CCSER1: variants seen among roughly 807,000 people sequenced by gnomAD.
CCSER1 encodes the protein coiled-coil serine rich protein 1, also known as serine-rich coiled-coil domain-containing protein 1.
CCSER1 carries 41 observed loss-of-function variants against 82.0 expected under a neutral mutation model. The ratio of observed to expected loss-of-function variants is 0.50; its 90% CI spans 0.39 to 0.65. The LOEUF is 0.65. Among genes scored for constraint, CCSER1 ranks in the 30% least tolerant of loss-of-function variants. The probability of loss-of-function intolerance (pLI) is 0.00; values close to 1 mark genes in which losing one functional copy is unlikely to be tolerated. For synonymous variants in CCSER1, 414 were observed against 383.9 expected, an observed-to-expected ratio of 1.08 and a Z score of -0.92; for missense variants, 1,119 against 1,064.2, an observed-to-expected ratio of 1.05 and a Z score of -0.72.
chr4:91,355,283 A>G (rs1035354681), intron 10 of CCSER1, among the ~76,000 whole-genome samples: 4 of 152,048 alleles, frequency 2.6e-5, no homozygotes, highest in Admixed American at 2.6e-4. Context: ...ATAGCAGCAC[A>G]AGTGTCAAAT....
chr4:90,887,761 A>G (rs932957570), intron 8 of CCSER1, among the ~76,000 whole-genome samples: 10 of 152,130 alleles, frequency 6.6e-5, no homozygotes, highest in African/African-American at 2.4e-4. Context: ...GCGCACCTGT[A>G]GTCTCTGCTA....
intron 4 of CCSER1, among the ~76,000 whole-genome samples, chr4:90,466,382 G>C (rs1763650855): frequency 6.6e-6 from 1 of 152,232 alleles, no homozygotes; most frequent in African/African-American, 2.4e-5. Context: ...GCTCAGAGTG[G>C]TCCCTCGTCA....
At chr4:91,214,206 C>T (rs1242102435) in intron 10 of CCSER1, among the ~76,000 whole-genome samples, 2 of 152,226 alleles carry the variant, frequency 1.3e-5, no homozygotes, top group African/African-American at 2.4e-5. Flanking sequence ...TTCTATCTGC[C>T]TAACCAATGT....
chr4:91,078,586 G>A (rs1167952992), intron 9 of CCSER1, among the ~76,000 whole-genome samples: 1 of 152,240 alleles, frequency 6.6e-6, no homozygotes, highest in Non-Finnish European at 1.5e-5. Context: ...TGACTTTGAT[G>A]AGTCGAGAGA....
At chr4:90,302,771 C>T (rs953628118) in intron 1 of CCSER1, among the ~76,000 whole-genome samples, 1 of 152,010 alleles carries the variant, frequency 6.6e-6, no homozygotes, top group African/African-American at 2.4e-5. Flanking sequence ...ACACTGCATT[C>T]TAGCCTGGGT....
intron 10 of CCSER1, among the ~76,000 whole-genome samples, chr4:91,114,970 G>A (rs568511636): frequency 2.6e-5 from 4 of 152,198 alleles, no homozygotes; most frequent in East Asian, 3.9e-4. Context: ...TATACATGCC[G>A]TGAGTTTTTA....
intron 10 of CCSER1, among the ~76,000 whole-genome samples, chr4:91,232,472 G>C (rs990509953): frequency 3.3e-5 from 5 of 151,738 alleles, no homozygotes; most frequent in African/African-American, 9.7e-5. Flanking sequence ...ATACAGCATA[G>C]TGTATATAAT....
chr4:90,477,202 T>G (rs1028959247), intron 5 of CCSER1, among the ~76,000 whole-genome samples: 1 of 152,238 alleles, frequency 6.6e-6, no homozygotes, highest in Middle Eastern at 3.2e-3. Flanking sequence ...AAATGCTATA[T>G]AATCCAATAT....
intron 5 of CCSER1, among the ~76,000 whole-genome samples, chr4:90,609,022 C>T (rs769933826): frequency 6.6e-6 from 1 of 152,062 alleles, no homozygotes. Context: ...AAATGCAGTT[C>T]TTGCATCAAA....
At chr4:91,545,339 A>G (rs896201015) in intron 10 of CCSER1, among the ~76,000 whole-genome samples, 4 of 152,030 alleles carry the variant, frequency 2.6e-5, no homozygotes, top group African/African-American at 9.7e-5. Flanking sequence ...ACTGTCCGAC[A>G]AGCCCCAGTG....
chr4:90,480,849 G>T (rs149446292), intron 5 of CCSER1, among the ~76,000 whole-genome samples: 5 of 151,656 alleles, frequency 3.3e-5, no homozygotes, highest in African/African-American at 4.9e-5. Flanking sequence ...TAGGATTGAC[G>T]TGGCAATGCG....
At chr4:91,301,112 A>G (rs1744633139) in intron 10 of CCSER1, among the ~76,000 whole-genome samples, 1 of 151,884 alleles carries the variant, frequency 6.6e-6, no homozygotes, top group African/African-American at 2.4e-5. Flanking sequence ...CAATTTACAG[A>G]TGGGTATTGA....
chr4:90,203,932 C>G (rs572856859), intron 1 of CCSER1, among the ~76,000 whole-genome samples: 2 of 152,292 alleles, frequency 1.3e-5, no homozygotes, highest in East Asian at 3.9e-4. Context: ...TTGCATTTCT[C>G]TAATTACCAG....
chr4:91,523,743 G>T (rs139827566), intron 10 of CCSER1, among the ~76,000 whole-genome samples: 56 of 151,900 alleles, frequency 3.7e-4, no homozygotes, highest in African/African-American at 1.3e-3. Flanking sequence ...TTTTTATTGC[G>T]TCCATTTGAT....
At chr4:90,574,458 C>T (rs1323495705) in intron 5 of CCSER1, among the ~76,000 whole-genome samples, 1 of 150,176 alleles carries the variant, frequency 6.7e-6, no homozygotes. Flanking sequence ...TTAGTAGAGA[C>T]GGGGTTTCAC....
At chr4:90,424,082 C>T (rs1293215335) in intron 4 of CCSER1, among the ~76,000 whole-genome samples, 3 of 148,336 alleles carry the variant, frequency 2.0e-5, no homozygotes, top group Admixed American at 6.7e-5. Context: ...CAGAGCAAGT[C>T]TCTGTCTCAA....
intron 7 of CCSER1, among the ~76,000 whole-genome samples, chr4:90,808,951 A>G (rs1258684751): frequency 1.3e-5 from 2 of 152,212 alleles, no homozygotes; most frequent in South Asian, 2.1e-4. Context: ...TATGTTTACC[A>G]CAGCACAATT....
At chr4:90,762,503 A>G (rs989126687) in intron 7 of CCSER1, among the ~76,000 whole-genome samples, 1 of 152,130 alleles carries the variant, frequency 6.6e-6, no homozygotes, top group African/African-American at 2.4e-5. Flanking sequence ...CACATCCAGG[A>G]CTGCCTTCTC....
intron 2 of CCSER1, among the ~76,000 whole-genome samples, chr4:90,310,881 T>C (rs563504472): frequency 6.6e-6 from 1 of 152,254 alleles, no homozygotes; most frequent in East Asian, 1.9e-4. Flanking sequence ...GCTGTCTTAA[T>C]ACTTTTCTCA....
Sources: gnomAD v4.1 joint callset for allele counts (sites outside exome capture counted in the v4.1 genomes callset) on GRCh38, gnomAD v4.1.1 for gene constraint, MANE v1.5 for transcripts, NCBI Gene and HGNC (gene_info 2026-07-23, HGNC 2026-07-21) for gene names.